Variants in SV2A observed in about 807,000 individuals in gnomAD.
SV2A encodes the protein solute carrier family 22 member B1.
In SV2A, 25 loss-of-function variants were observed where a neutral mutation model predicts 78.0. That is an observed-to-expected ratio of 0.32 (90% CI 0.23 to 0.45). SV2A has a LOEUF of 0.45. Ranked by LOEUF, SV2A falls within the 20% of genes least tolerant of loss-of-function variation. The pLI, the probability that SV2A is intolerant of heterozygous loss-of-function variation, is 1.00. For synonymous variants in SV2A, 355 were observed against 384.7 expected (o/e 0.92, Z 0.90); for missense variants, 752 against 971.5 (o/e 0.77, Z 3.00).
chr1:149,912,637 C>G (rs2092482417), intron 2 of SV2A, among the ~76,000 whole-genome samples: 1 of 152,136 alleles, frequency 6.6e-6, no homozygotes, highest in African/African-American at 2.4e-5. Flanking sequence ...AGAGTAAGGC[C>G]TCGATTCTTT....
intron 3 of SV2A, 34 bp downstream of exon 3, chr1:149,911,766 C>A (rs782434232): frequency 6.2e-7 from 1 of 1,603,536 alleles, no homozygotes; most frequent in South Asian, 1.1e-5. Context: ...AGGCACAGTC[C>A]TGCCCTCAAG....
chr1:149,911,100 T>C, intron 3 of SV2A, 123 bp from the exon 4 acceptor site: 1 of 1,299,798 alleles, frequency 7.7e-7, no homozygotes, highest in Non-Finnish European at 1.0e-6. Flanking sequence ...ATCTCACACA[T>C]AAAGCCTTAC....
At position 149,911,857 on chromosome 1, in the gene SV2A, G is replaced by A; in HGVS notation, c.746C>T (p.Ser249Leu). The change falls in exon 3 of 13, where the codon TCA becomes TTA. Residue 249 changes from serine to leucine, a missense_variant. By Grantham distance (145) the Ser-to-Leu change is moderately radical. This residue lies in a region of SV2A where 291 missense variants were observed against 359.5 expected (regional missense o/e 0.81). Transcript: ENST00000369146. ...LSVNSVFAFF[S>L]SFVQGYGTFL... ...AGTGCCGTAACCCTGGACAAAAGAT[G>A]AGAAGAAGGCGAAGACGCTGTTGAC... 6.2e-7 allele frequency: 1 copy of A among 1,614,182 alleles called. No individual in the cohort carries two copies. Among genetic ancestry groups the A allele is most frequent in the Non-Finnish European group, 8.5e-7 (1 of 1,180,042 alleles).
rs1290649276 is a variant in SV2A, at chr1:149,904,849, C to T, written c.*165G>A. ...GAGCCTTCCCTGTAGTCCCTGCCCA[C>T]GGGGTTTACACACATGCACACGCAC... On this transcript the variant is annotated 3_prime_UTR_variant, in exon 13 of 13. Transcript: ENST00000369146. 45 of 723,748 alleles carry T rather than the reference C, an allele frequency of 6.2e-5. No individual in the cohort carries two copies. The Admixed American group carries it at 8.1e-4, about 13-fold the overall frequency. 44.8% of individuals were successfully genotyped at this position (723,748 alleles called of 1,614,324 possible). A position where few individuals can be genotyped will look rare whatever the true frequency, so the allele number is the denominator to read the frequency against.
chr1:149,908,241 G>A, intron 8 of SV2A, 35 bp from the exon 9 acceptor site: 1 of 1,597,336 alleles, frequency 6.3e-7, no homozygotes, highest in Non-Finnish European at 8.6e-7. Flanking sequence ...CAGACAACAG[G>A]GCTTCAGACA....
chr1:149,909,112 A>C, intron 8 of SV2A, 80 bp downstream of exon 8: 7 of 1,353,352 alleles, frequency 5.2e-6, no homozygotes, highest in Non-Finnish European at 4.2e-6. Context: ...TGTCCCCTGC[A>C]TCTCCATTCT....
chr1:149,913,480 C>T lies in SV2A; in HGVS notation c.361G>A (p.Gly121Arg), dbSNP rs2092489594. The change falls in exon 2 of 13, where the codon GGA becomes AGA. Residue 121 changes from glycine to arginine, a missense_variant. Gly to Arg is a moderately radical substitution (Grantham distance 125). Transcript: ENST00000369146. ...CCATCACTCAAGCCCCCCCTTACTC[C>T]AGCCAGGGGCGCCCCATCTGCCATC... Reference protein sequence around the residue: ...ERMADGAPLAGVRGGLSDGEG... With the variant: ...ERMADGAPLARVRGGLSDGEG... The T allele has an allele frequency of 5.6e-6, 9 of 1,613,576 alleles. No homozygotes were observed. Among genetic ancestry groups the T allele is most frequent in the Non-Finnish European group, 7.6e-6 (9 of 1,179,814 alleles).
chr1:149,906,594 G>T, intron 11 of SV2A, 56 bp downstream of exon 11: 1 of 1,578,004 alleles, frequency 6.3e-7, no homozygotes. Flanking sequence ...CCTGTTGACT[G>T]CCTCCCGCAG....
intron 8 of SV2A, 151 bp downstream of exon 8, chr1:149,909,041 C>A (rs587667656): frequency 1.0e-5 from 7 of 699,384 alleles, no homozygotes; most frequent in South Asian, 8.6e-5. Context: ...AGTGAACTAG[C>A]GAAGTAGAGG....
chr1:149,905,777 G>T, intron 12 of SV2A, 103 bp downstream of exon 12: 1 of 1,456,466 alleles, frequency 6.9e-7, no homozygotes, highest in Non-Finnish European at 9.4e-7. Flanking sequence ...AAATGGAAAT[G>T]TATATCCTCT....
chr1:149,913,110 C>G (rs2092486033), intron 2 of SV2A, 109 bp downstream of exon 2: 2 of 1,402,040 alleles, frequency 1.4e-6, no homozygotes, highest in Non-Finnish European at 1.9e-6. Flanking sequence ...CTGGGAACAT[C>G]TTGGGTGCAG....
At position 149,913,532 on chromosome 1, in the gene SV2A, C is replaced by T. The variant is rs1553764113; in HGVS notation, c.309G>A (p.Arg103=). The change falls in exon 2 of 13, where the codon CGG becomes CGA. Residue 103 remains arginine (R), a synonymous_variant. Coordinates refer to ENST00000369146, the MANE Select transcript of SV2A (RefSeq NM_014849.5). Reference sequence around the variant, plus strand: ...GCTCGCCTTTGCCCCCAGACTCTGCCCGGGGAATGCCCTGATATTCCCCTT... The same window carrying T: ...GCTCGCCTTTGCCCCCAGACTCTGCTCGGGGAATGCCCTGATATTCCCCTT... ...IYEGEYQGIP[R]AESGGKGERM... 6.2e-7 allele frequency: 1 copy of T among 1,613,970 alleles called. No homozygotes were observed. The highest frequency in any genetic ancestry group is 8.5e-7 in the Non-Finnish European group (1 of 1,179,980).
At chr1:149,912,295 G>A (rs1165092731) in intron 2 of SV2A, among the ~76,000 whole-genome samples, 1 of 152,004 alleles carries the variant, frequency 6.6e-6, no homozygotes, top group African/African-American at 2.4e-5. Flanking sequence ...AAGGAGGAAT[G>A]GGTGTGCCTA....
intron 10 of SV2A, chr1:149,907,120 G>A (rs1359564989): frequency 4.5e-6 from 2 of 444,798 alleles, no homozygotes; most frequent in African/African-American, 4.3e-5. Flanking sequence ...CATTCTTTCT[G>A]TCCGTGCTAG....
intron 6 of SV2A, 35 bp downstream of exon 6, chr1:149,909,766 G>A (rs2092463671): frequency 6.2e-7 from 1 of 1,606,910 alleles, no homozygotes; most frequent in Admixed American, 1.7e-5. Context: ...GGGCTGCAGG[G>A]CGTGGAGGTC....
At chr1:149,917,680 G>A (rs587654188) in intron 1 of SV2A, 59 bp downstream of exon 1, 2 of 152,398 alleles carry the variant, frequency 1.3e-5, no homozygotes, top group South Asian at 2.1e-4. Context: ...TGCAAGGCAA[G>A]GCAAAGATGC....
intron 11 of SV2A, among the ~76,000 whole-genome samples, chr1:149,906,274 T>C (rs587658010): frequency 5.3e-4 from 81 of 152,328 alleles, no homozygotes; most frequent in African/African-American, 1.9e-3. Context: ...GCCAAGGCAA[T>C]TGATGCTTTA....
Position 149,911,792 on chromosome 1 carries a change from A to ACC in SV2A, c.803+7_803+8insGG, listed in dbSNP as rs1559790488. ...TGCCCTCAAGGGACTTAGGAAGTGT[A>ACC]CACTCACCCAACCCCAGAAAGTAGG... On this transcript the variant is annotated splice_region_variant and intron_variant, in intron 3 of 12. Transcript: ENST00000369146. 2.4e-5 allele frequency: 39 copies of ACC among 1,613,212 alleles called. No homozygotes were observed. The highest frequency in any genetic ancestry group is 3.1e-5 in the Non-Finnish European group (36 of 1,179,502).
Position 149,909,788 on chromosome 1 carries a change from G to A in SV2A, c.1179+13C>T, listed in dbSNP as rs781998027. On this transcript the variant is annotated intron_variant, in intron 6 of 12. Transcript: ENST00000369146. ...AGGGCGTGGAGGTCTGAGTCGGGAG[G>A]GCTGTGGCTTACTGAGAACACTCGC... is the stretch of plus-strand genomic sequence containing the variant. 1 of 1,613,166 alleles carries A rather than the reference G, an allele frequency of 6.2e-7. No individual in the cohort carries two copies. The highest frequency in any genetic ancestry group is 8.5e-7 in the Non-Finnish European group (1 of 1,179,898).
Sources: allele counts gnomAD v4.1 joint callset (sites outside exome capture counted in the v4.1 genomes callset), GRCh38; gene constraint gnomAD v4.1.1; regional missense constraint gnomAD v4.1.1; transcripts MANE v1.5; gene names NCBI Gene and HGNC (gene_info 2026-07-23, HGNC 2026-07-21).